The following LRMDA variants were observed in gnomAD, a reference collection of about 807,000 sequenced individuals.
LRMDA encodes leucine-rich melanocyte differentiation-associated protein.
LRMDA carries 18 observed loss-of-function variants against 29.8 expected under a neutral mutation model. The observed-to-expected ratio is 0.60, with a 90% confidence interval of 0.42 to 0.90. The LOEUF (loss-of-function observed/expected upper bound fraction) is 0.90, where lower values mean the gene tolerates loss of function less well. Among genes scored for constraint, LRMDA ranks in the 40% least tolerant of loss-of-function variants. The pLI, the probability that LRMDA is intolerant of heterozygous loss-of-function variation, is 0.00. For synonymous variants in LRMDA, 125 were observed against 109.4 expected, an observed-to-expected ratio of 1.14 and a Z score of -0.89; for missense variants, 273 against 273.9, an observed-to-expected ratio of 1.00 and a Z score of 0.02.
chr10:76,181,005 C>G (rs1851038921), intron 5 of LRMDA, among the ~76,000 whole-genome samples: 1 of 152,086 alleles, frequency 6.6e-6, no homozygotes, highest in African/African-American at 2.4e-5. Flanking sequence ...AGCTTCCCTC[C>G]CTAGTTGCTA....
At chr10:75,701,452 C>T (rs758211207) in intron 2 of LRMDA, among the ~76,000 whole-genome samples, 40 of 152,226 alleles carry the variant, frequency 2.6e-4, no homozygotes, top group Non-Finnish European at 3.5e-4. Flanking sequence ...TGATCCAAGA[C>T]ACACAAGCAG....
chr10:76,003,440 A>G (rs1847594960), intron 2 of LRMDA, among the ~76,000 whole-genome samples: 1 of 152,204 alleles, frequency 6.6e-6, no homozygotes, highest in South Asian at 2.1e-4. Flanking sequence ...ATCAGGCACT[A>G]TCCTAGGTGC....
At chr10:75,627,819 C>T (rs752165048) in intron 2 of LRMDA, among the ~76,000 whole-genome samples, 5 of 152,180 alleles carry the variant, frequency 3.3e-5, no homozygotes, top group Non-Finnish European at 7.3e-5. Context: ...ATTCAAGACC[C>T]AGAAAAGATA....
intron 2 of LRMDA, among the ~76,000 whole-genome samples, chr10:75,947,977 C>A (rs531306647): frequency 6.6e-6 from 1 of 152,182 alleles, no homozygotes; most frequent in African/African-American, 2.4e-5. Flanking sequence ...ATTTGGGACC[C>A]CCACTATTAC....
chr10:75,515,516 G>A (rs1407623829), intron 2 of LRMDA, among the ~76,000 whole-genome samples: 9 of 152,026 alleles, frequency 5.9e-5, no homozygotes, highest in Non-Finnish European at 1.3e-4. Flanking sequence ...GGGACTACAG[G>A]CACATACCAC....
chr10:75,465,401 T>G (rs1242103949), intron 2 of LRMDA, among the ~76,000 whole-genome samples: 1 of 152,234 alleles, frequency 6.6e-6, no homozygotes, highest in Non-Finnish European at 1.5e-5. Flanking sequence ...GGTCTGTGCA[T>G]GCAGACACAG....
intron 2 of LRMDA, among the ~76,000 whole-genome samples, chr10:75,983,635 G>A (rs765701427): frequency 3.9e-5 from 6 of 151,982 alleles, no homozygotes; most frequent in Non-Finnish European, 8.8e-5. Context: ...ATATACATAC[G>A]CGTACATGTA....
At chr10:75,672,426 C>G (rs1841901959) in intron 2 of LRMDA, among the ~76,000 whole-genome samples, 1 of 149,908 alleles carries the variant, frequency 6.7e-6, no homozygotes, top group African/African-American at 2.4e-5. Context: ...TTTTCTCGTT[C>G]AAGATACATT....
rs1400355219 is a variant in LRMDA at position 76,502,124 on chromosome 10, T to A, written c.602-55085T>A. 2.0e-5 allele frequency among the ~76,000 whole-genome samples: 3 copies of A among 151,888 alleles called. No homozygotes were observed. The East Asian group carries it at 5.8e-4, about 29-fold the overall frequency. On this transcript the variant is annotated intron_variant, in intron 6 of 6. Coordinates refer to ENST00000611255, the MANE Select transcript of LRMDA (RefSeq NM_001305581.2). ...TCATTTATTGAAAAGGGAGTCCTTT[T>A]CCCATTGCCTATTTTTGTCAGCCAT...
chr10:75,692,382 T>G (rs999502192), intron 2 of LRMDA, among the ~76,000 whole-genome samples: 2 of 149,080 alleles, frequency 1.3e-5, no homozygotes, highest in African/African-American at 2.5e-5. Flanking sequence ...TATCCCATTG[T>G]GCCTACATAT....
chr10:76,252,340 C>G lies in LRMDA; in HGVS notation c.517-72061C>G, dbSNP rs375494046. 2.6e-5 allele frequency among the ~76,000 whole-genome samples: 4 copies of G among 152,200 alleles called. No individual in the cohort carries two copies. In the South Asian group the frequency reaches 8.3e-4, roughly 32 times the overall value. On this transcript the variant is annotated intron_variant, in intron 5 of 6. Coordinates refer to ENST00000611255, the MANE Select transcript of LRMDA (RefSeq NM_001305581.2). ...TAATAAATACTCTTTAATTTATTAG[C>G]TAACAACAAAGAGATCAGAGCCAGT...
At chr10:75,888,053 T>G (rs1316877251) in intron 2 of LRMDA, among the ~76,000 whole-genome samples, 2 of 152,190 alleles carry the variant, frequency 1.3e-5, no homozygotes, top group African/African-American at 2.4e-5. Flanking sequence ...CATCTAACCA[T>G]CTGCTTAATG....
chr10:76,033,906 C>T lies in LRMDA; in HGVS notation c.132-2102C>T, dbSNP rs566193925. Among the ~76,000 whole-genome samples the T allele has an allele frequency of 3.9e-5, 6 of 152,012 alleles. No individual in the cohort carries two copies. In the East Asian group the frequency reaches 7.8e-4, roughly 20 times the overall value. On this transcript the variant is annotated intron_variant, in intron 2 of 6. Transcript: ENST00000611255. ...TCCTCTGTGGGTTTGTTCATGGGCC[C>T]GTCCCCTGCATTCCAAACACACCCC... is the stretch of plus-strand genomic sequence containing the variant.
At chr10:76,010,435 C>CG in intron 2 of LRMDA, among the ~76,000 whole-genome samples, 1 of 152,000 alleles carries the variant, frequency 6.6e-6, no homozygotes, top group Non-Finnish European at 1.5e-5. Flanking sequence ...GCCTCAGCCT[C>CG]CTGAGTAGCT....
chr10:75,506,556 G>A (rs1398543736), intron 2 of LRMDA, among the ~76,000 whole-genome samples: 3 of 152,146 alleles, frequency 2.0e-5, no homozygotes, highest in Non-Finnish European at 2.9e-5. Context: ...GGCCAGTGGC[G>A]AGAGCAAACC....
At chr10:75,604,691 G>A (rs1208568771) in intron 2 of LRMDA, among the ~76,000 whole-genome samples, 1 of 152,166 alleles carries the variant, frequency 6.6e-6, no homozygotes, top group Admixed American at 6.5e-5. Context: ...CTGCCCAGGG[G>A]TGATACTGTA....
chr10:76,126,851 T>C (rs1304896063), intron 5 of LRMDA, among the ~76,000 whole-genome samples: 1 of 152,202 alleles, frequency 6.6e-6, no homozygotes, highest in Non-Finnish European at 1.5e-5. Flanking sequence ...AGAACAATCT[T>C]GGGCAAAAGG....
chr10:76,010,987 T>C (rs1386788568), intron 2 of LRMDA, among the ~76,000 whole-genome samples: 1 of 152,256 alleles, frequency 6.6e-6, no homozygotes, highest in African/African-American at 2.4e-5. Flanking sequence ...GTTTAGTAGA[T>C]AAAATCTGTA....
At chr10:76,107,705 C>A (rs1289208712) in intron 5 of LRMDA, among the ~76,000 whole-genome samples, 1 of 152,212 alleles carries the variant, frequency 6.6e-6, no homozygotes, top group Non-Finnish European at 1.5e-5. Context: ...CCTCAACATA[C>A]CTGTGTGGCT....
Sources: gnomAD v4.1 joint callset for allele counts (sites outside exome capture counted in the v4.1 genomes callset) on GRCh38, gnomAD v4.1.1 for gene constraint, MANE v1.5 for transcripts, NCBI Gene and HGNC (gene_info 2026-07-23, HGNC 2026-07-21) for gene names.